MYOM1: variants seen among roughly 807,000 people sequenced by gnomAD.
MYOM1 encodes myomesin 1, also known as myomesin-1.
Under a neutral mutation model 205.3 loss-of-function variants are expected in MYOM1, and 164 were observed. The observed-to-expected ratio is 0.80, with a 90% CI of 0.70 to 0.91. MYOM1 has a LOEUF of 0.91. Ranked by LOEUF, MYOM1 falls within the 40% of genes least tolerant of loss-of-function variation. The probability of loss-of-function intolerance (pLI) is 0.00; values close to 1 mark genes in which losing one functional copy is unlikely to be tolerated. For synonymous variants in MYOM1, 772 were observed against 789.4 expected, an observed-to-expected ratio of 0.98 and a Z score of 0.37; for missense variants, 2,011 against 2,127.3, an observed-to-expected ratio of 0.95 and a Z score of 1.08.
At chr18:3,083,427 CTTTTTTT>C (rs35959808) in intron 33 of MYOM1, among the ~76,000 whole-genome samples, 3 of 98,554 alleles carry the variant, frequency 3.0e-5, no homozygotes, top group African/African-American at 8.4e-5. Flanking sequence ...TTTTCTTTTT[CTTTTTTT>C]TTTTTTTTTT....
At position 3,090,655 on chromosome 18, in the gene MYOM1, T is replaced by C. The variant is rs1399044417; in HGVS notation, c.4009+3A>G. The C allele has an allele frequency of 6.2e-7, 1 of 1,613,972 alleles. No individual in the cohort carries two copies. Among genetic ancestry groups the C allele is most frequent in the Non-Finnish European group, 8.5e-7 (1 of 1,179,854 alleles). On this transcript the variant is annotated splice_donor_region_variant and intron_variant, in intron 27 of 37. Transcript: ENST00000356443. The stretch of plus-strand genomic sequence containing the variant: ...GCTGGTTAATGTTCCACGGAATTCT[T>C]ACCATCTCCAACGAGAACAACAGTA...
At chr18:3,106,850 T>C (rs1313688656) in intron 22 of MYOM1, among the ~76,000 whole-genome samples, 1 of 152,058 alleles carries the variant, frequency 6.6e-6, no homozygotes, top group Non-Finnish European at 1.5e-5. Context: ...ACTTAAGTAA[T>C]TGCTAGGAGA....
At chr18:3,104,745 CTTTT>C (rs745369627) in intron 22 of MYOM1, among the ~76,000 whole-genome samples, 4 of 80,586 alleles carry the variant, frequency 5.0e-5, no homozygotes, top group Non-Finnish European at 8.5e-5. Flanking sequence ...GAATTGGAAT[CTTTT>C]TTTTTTTTTT....
intron 2 of MYOM1, among the ~76,000 whole-genome samples, chr18:3,212,925 A>T (rs928176046): frequency 1.3e-5 from 2 of 152,232 alleles, no homozygotes; most frequent in African/African-American, 4.8e-5. Context: ...TGTGATCCTT[A>T]TGAATATCCC....
chr18:3,176,202 C>T, intron 5 of MYOM1, 68 bp from the exon 6 acceptor site: 1 of 870,220 alleles, frequency 1.1e-6, no homozygotes, highest in South Asian at 1.5e-5. Flanking sequence ...AACACACACA[C>T]AATTCTTGTT....
rs1261394354 is a variant in MYOM1, at chr18:3,075,753, C to T, written c.4657G>A (p.Glu1553Lys). The T allele has an allele frequency of 2.5e-6, 4 of 1,592,556 alleles. No individual in the cohort carries two copies. The highest frequency in any genetic ancestry group is 3.4e-6 in the Non-Finnish European group (4 of 1,168,280). The change falls in exon 35 of 38, where the codon GAG becomes AAG. Residue 1553 changes from glutamate to lysine, a missense_variant. Coordinates refer to ENST00000356443, the MANE Select transcript of MYOM1 (RefSeq NM_003803.4). ...TVDLSGQAYD[E>K]AYAEFQRLKQ... ...AACCTCTGGAATTCAGCATAGGCCT[C>T]ATCGTATGCTTTAAAAGAAAAAAGA...
intron 3 of MYOM1, among the ~76,000 whole-genome samples, chr18:3,191,244 G>A (rs947989324): frequency 2.6e-5 from 4 of 152,166 alleles, no homozygotes; most frequent in African/African-American, 7.2e-5. Context: ...AAGTTTACTC[G>A]ATTTATTGGA....
chr18:3,198,564 T>C (rs2081023103), intron 2 of MYOM1, among the ~76,000 whole-genome samples: 1 of 152,080 alleles, frequency 6.6e-6, no homozygotes, highest in African/African-American at 2.4e-5. Context: ...GGTGGGTGGA[T>C]CAGGAGGTCA....
intron 20 of MYOM1, among the ~76,000 whole-genome samples, chr18:3,117,512 C>T (rs1419272325): frequency 6.6e-6 from 1 of 152,174 alleles, no homozygotes; most frequent in African/African-American, 2.4e-5. Context: ...CAAGACACTT[C>T]ATAACCCTCT....
chr18:3,218,161 T>A (rs1438196413), intron 1 of MYOM1, among the ~76,000 whole-genome samples: 2 of 152,180 alleles, frequency 1.3e-5, no homozygotes, highest in Non-Finnish European at 2.9e-5. Context: ...TTGAATAGTT[T>A]ATCCACTGAA....
rs187651425 is a variant in MYOM1, at chr18:3,066,945, A to T, written c.*317T>A. 1 of 303,238 alleles carries T rather than the reference A, an allele frequency of 3.3e-6. No individual in the cohort carries two copies. Among genetic ancestry groups the T allele is most frequent in the Non-Finnish European group, 6.3e-6 (1 of 158,712 alleles). The allele number at this position is 303,238 out of a possible 1,614,324, so 18.8% of individuals were successfully genotyped here. A position where few individuals can be genotyped will look rare whatever the true frequency, so the allele number is the denominator to read the frequency against. On this transcript the variant is annotated 3_prime_UTR_variant, in exon 38 of 38. Transcript: ENST00000356443. ...GGCTTCACAGCTGCAGCAAATCCCA[A>T]TTCGCCCCACGACACATTCGTCTGC...
intron 17 of MYOM1, 36 bp from the exon 18 acceptor site, chr18:3,129,555 C>G (rs2079846695): frequency 1.6e-5 from 26 of 1,578,446 alleles, no homozygotes; most frequent in Non-Finnish European, 2.2e-5. Context: ...ACGCATTGAG[C>G]CCGGACAGAG....
At chr18:3,088,851 T>C (rs1175078810) in intron 29 of MYOM1, among the ~76,000 whole-genome samples, 2 of 152,200 alleles carry the variant, frequency 1.3e-5, no homozygotes, top group South Asian at 4.1e-4. Flanking sequence ...GATTCTGGAA[T>C]AGGTCTATGA....
At chr18:3,075,293 C>G (rs2079008875) in intron 36 of MYOM1, among the ~76,000 whole-genome samples, 161 bp downstream of exon 36, 2 of 152,058 alleles carry the variant, frequency 1.3e-5, no homozygotes, top group African/African-American at 4.8e-5. Context: ...GATATTCTTA[C>G]TCAAAAGACT....
chr18:3,084,969 G>T, intron 31 of MYOM1, 76 bp downstream of exon 31: 2 of 1,111,136 alleles, frequency 1.8e-6, no homozygotes, highest in Non-Finnish European at 2.6e-6. Flanking sequence ...TCAATCGTCA[G>T]CTCGGCCTCA....
At chr18:3,075,837 C>G in intron 34 of MYOM1, 76 bp from the exon 35 acceptor site, 1 of 1,295,822 alleles carries the variant, frequency 7.7e-7, no homozygotes, top group Non-Finnish European at 1.1e-6. Context: ...AAATTCACAA[C>G]TGGAGATTGC....
chr18:3,183,467 G>A (rs1157322794), intron 5 of MYOM1, among the ~76,000 whole-genome samples: 1 of 152,190 alleles, frequency 6.6e-6, no homozygotes, highest in Non-Finnish European at 1.5e-5. Flanking sequence ...TAGGCCTCAG[G>A]AACTCCCATG....
At chr18:3,131,308 T>C (rs1229034664) in intron 17 of MYOM1, 67 bp downstream of exon 17, 12 of 1,553,766 alleles carry the variant, frequency 7.7e-6, no homozygotes, top group African/African-American at 1.4e-5. Flanking sequence ...CTGGAGAGGA[T>C]GGTATCTTCC....
At position 3,089,562 on chromosome 18, in the gene MYOM1, C is replaced by T. The variant is rs1396783438; in HGVS notation, c.4044G>A (p.Gln1348=). The T allele has an allele frequency of 3.7e-6, 6 of 1,609,388 alleles. No homozygotes were observed. The highest frequency in any genetic ancestry group is 5.1e-6 in the Non-Finnish European group (6 of 1,177,844). ...CTTGTTTCCTGATCCATTCTTGCCG[C>T]TGGAATTCAGCTTCTTTCTGGAGCT... ...FKKLQKEAEF[Q]RQEWIRKQGP... Residue 1348 remains glutamine (Q), a synonymous_variant, in exon 28 of 38, where the codon CAG becomes CAA. Coordinates refer to ENST00000356443, the MANE Select transcript of MYOM1 (RefSeq NM_003803.4).
Sources: gnomAD v4.1 joint callset for allele counts (sites outside exome capture counted in the v4.1 genomes callset) on GRCh38, gnomAD v4.1.1 for gene constraint, MANE v1.5 for transcripts, NCBI Gene and HGNC (gene_info 2026-07-23, HGNC 2026-07-21) for gene names.